Variants in PSD3 observed in about 807,000 individuals in gnomAD.
PSD3 encodes PH and SEC7 domain-containing protein 3.
PSD3 carries 49 observed loss-of-function variants against 105.5 expected under a neutral mutation model. The observed-to-expected ratio is 0.46, with a 90% CI of 0.37 to 0.59. The LOEUF (loss-of-function observed/expected upper bound fraction) is 0.59. PSD3 is among the 20% of genes least tolerant of loss of function. PSD3 has a pLI of 0.00. For synonymous variants in PSD3, 557 were observed against 457.8 expected, an observed-to-expected ratio of 1.22 and a Z score of -2.77; for missense variants, 1,561 against 1,263.8, an observed-to-expected ratio of 1.24 and a Z score of -3.57.
chr8:18,877,579 T>C (rs1817812115), intron 2 of PSD3, among the ~76,000 whole-genome samples: 1 of 150,472 alleles, frequency 6.6e-6, no homozygotes, highest in Admixed American at 6.7e-5. Flanking sequence ...TCTCACTCTG[T>C]CGCCCTGGCT....
chr8:18,969,411 G>T (rs544435159), intron 1 of PSD3, among the ~76,000 whole-genome samples: 9 of 152,268 alleles, frequency 5.9e-5, no homozygotes, highest in African/African-American at 2.2e-4. Context: ...GAAATCAACG[G>T]TACACCATAA....
At chr8:19,017,050 C>CT (rs60211350), upstream of PSD3, among the ~76,000 whole-genome samples, 6,199 of 115,522 alleles carry the variant, frequency 0.054, 221 homozygotes, top group Non-Finnish European at 0.075. Context: ...TGGCTACATA[C>CT]TTTTTTTTTT....
chr8:18,922,242 C>G (rs1268965873), intron 2 of PSD3, among the ~76,000 whole-genome samples: 2 of 152,170 alleles, frequency 1.3e-5, no homozygotes, highest in South Asian at 4.1e-4. Flanking sequence ...TACTCTAACA[C>G]GTCCTAACGG....
At chr8:18,850,014 A>T (rs1815436844) in intron 4 of PSD3, among the ~76,000 whole-genome samples, 1 of 152,228 alleles carries the variant, frequency 6.6e-6, no homozygotes, top group African/African-American at 2.4e-5. Flanking sequence ...ATACTGAAGA[A>T]ATACAAATGT....
At chr8:18,879,972 C>T (rs1030415052) in intron 2 of PSD3, among the ~76,000 whole-genome samples, 1 of 152,110 alleles carries the variant, frequency 6.6e-6, no homozygotes, top group African/African-American at 2.4e-5. Context: ...CTAGTTGTAG[C>T]TTCTGGGTAG....
intron 1 of PSD3, among the ~76,000 whole-genome samples, chr8:18,970,200 C>A (rs913484167): frequency 3.3e-5 from 5 of 151,292 alleles, no homozygotes; most frequent in African/African-American, 1.2e-4. Flanking sequence ...TGGCGGGCAC[C>A]TGTAGTCCCA....
intron 10 of PSD3, among the ~76,000 whole-genome samples, chr8:18,646,719 G>A (rs1808064357): frequency 6.6e-6 from 1 of 152,052 alleles, no homozygotes; most frequent in Non-Finnish European, 1.5e-5. Flanking sequence ...TCGTCCTTAT[G>A]AGATTACCAA....
At chr8:18,915,639 AATC>A (rs1243618138) in intron 2 of PSD3, among the ~76,000 whole-genome samples, 2 of 152,216 alleles carry the variant, frequency 1.3e-5, no homozygotes, top group Non-Finnish European at 2.9e-5. Context: ...GAATGTCACT[AATC>A]ATCATCCAGA....
At chr8:18,863,475 A>G (rs1307095338) in intron 4 of PSD3, among the ~76,000 whole-genome samples, 2 of 152,068 alleles carry the variant, frequency 1.3e-5, no homozygotes, top group African/African-American at 2.4e-5. Context: ...CTTCATTGAT[A>G]TATTGTGTTC....
intron 9 of PSD3, among the ~76,000 whole-genome samples, chr8:18,670,076 T>A (rs546655722): frequency 6.6e-6 from 1 of 152,092 alleles, no homozygotes; most frequent in South Asian, 2.1e-4. Flanking sequence ...CAGATAATTA[T>A]TATAAGGTGA....
chr8:18,626,271 C>G (rs945706260), intron 11 of PSD3, among the ~76,000 whole-genome samples: 1 of 146,892 alleles, frequency 6.8e-6, no homozygotes, highest in African/African-American at 2.6e-5. Context: ...GACACCAAAT[C>G]TTGAGTGAAA....
At chr8:18,774,920 G>T (rs1807895124) in intron 8 of PSD3, 1 of 456,116 alleles carries the variant, frequency 2.2e-6, no homozygotes, top group Non-Finnish European at 4.4e-6. Flanking sequence ...CTTGGCTACG[G>T]CTGCAAAAGC....
intron 9 of PSD3, among the ~76,000 whole-genome samples, chr8:18,709,409 C>T (rs1802107028): frequency 6.6e-6 from 1 of 152,226 alleles, no homozygotes; most frequent in Non-Finnish European, 1.5e-5. Flanking sequence ...TTTAATCTCT[C>T]CCGCCTGCTG....
At chr8:18,684,954 A>G (rs1192242821) in intron 9 of PSD3, among the ~76,000 whole-genome samples, 1 of 152,232 alleles carries the variant, frequency 6.6e-6, no homozygotes, top group East Asian at 1.9e-4. Context: ...GTGAGTTTTG[A>G]GCATACTACT....
At chr8:19,015,296 C>T (rs1827144529), upstream of PSD3, among the ~76,000 whole-genome samples, 1 of 152,184 alleles carries the variant, frequency 6.6e-6, no homozygotes, top group African/African-American at 2.4e-5. Context: ...TGTGAGGCCT[C>T]CCAACCATGT....
intron 9 of PSD3, among the ~76,000 whole-genome samples, chr8:18,723,520 G>A (rs1176037792): frequency 1.3e-5 from 2 of 152,144 alleles, no homozygotes; most frequent in Non-Finnish European, 2.9e-5. Context: ...TTAGCACAGA[G>A]CGACATCCTG....
At chr8:19,063,777 T>C (rs1365121870) in intron 1 of PSD3, among the ~76,000 whole-genome samples, 1 of 152,134 alleles carries the variant, frequency 6.6e-6, no homozygotes, top group African/African-American at 2.4e-5. Context: ...AGTCTTAAAA[T>C]AAGAGTTGTT....
chr8:18,993,178 C>A (rs1434883529), intron 1 of PSD3, among the ~76,000 whole-genome samples: 1 of 152,114 alleles, frequency 6.6e-6, no homozygotes, highest in African/African-American at 2.4e-5. Context: ...AGTGAGTGTA[C>A]TCCTTTTGCC....
intron 9 of PSD3, among the ~76,000 whole-genome samples, chr8:18,684,719 C>T (rs781305077): frequency 1.3e-5 from 2 of 152,136 alleles, no homozygotes; most frequent in African/African-American, 4.8e-5. Context: ...GTTCTGTTAC[C>T]TCTCTAGGAG....
Sources: allele counts gnomAD v4.1 joint callset (sites outside exome capture counted in the v4.1 genomes callset), GRCh38; gene constraint gnomAD v4.1.1; transcripts MANE v1.5; gene names NCBI Gene and HGNC (gene_info 2026-07-23, HGNC 2026-07-21).